Variants in STON1 observed in about 807,000 individuals in gnomAD.
STON1 encodes stonin 1.
A neutral mutation model predicts 60.9 loss-of-function variants in STON1; 79 were observed. The observed-to-expected ratio is 1.30, with a 90% CI of 1.08 to 1.56. STON1 has a LOEUF of 1.56. STON1 is among the 40% of genes most tolerant of loss of function. The pLI, the probability that STON1 is intolerant of heterozygous loss-of-function variation, is 0.00. For synonymous variants in STON1, 363 were observed against 306.9 expected (o/e 1.18, Z -1.91); for missense variants, 1,166 against 858.9 (o/e 1.36, Z -4.47).
intron 1 of STON1, among the ~76,000 whole-genome samples, chr2:48,566,760 T>C (rs866205759): frequency 5.9e-5 from 9 of 152,244 alleles, no homozygotes; most frequent in Middle Eastern, 3.2e-3. Context: ...TCTTCAGGCA[T>C]TGATTGAAAC....
chr2:48,566,269 A>G (rs1467644884), intron 1 of STON1, among the ~76,000 whole-genome samples: 2 of 152,094 alleles, frequency 1.3e-5, no homozygotes, highest in East Asian at 3.9e-4. Context: ...TCCACCTCCC[A>G]GGTTCAAGTG....
chr2:48,568,431 A>G (rs770896602), intron 1 of STON1, among the ~76,000 whole-genome samples: 1 of 152,154 alleles, frequency 6.6e-6, no homozygotes, highest in Non-Finnish European at 1.5e-5. Flanking sequence ...TGAGTGGTTT[A>G]TGAAGAAAAG....
chr2:48,593,315 C>A (rs1480332174), intron 3 of STON1, among the ~76,000 whole-genome samples: 3 of 151,482 alleles, frequency 2.0e-5, no homozygotes, highest in Non-Finnish European at 2.9e-5. Context: ...TGGGGTTTCA[C>A]CATGTTGGCC....
intron 1 of STON1, among the ~76,000 whole-genome samples, chr2:48,553,350 CCTTCCCTTCCCTTCT>C (rs972676522): frequency 1.3e-5 from 2 of 151,472 alleles, no homozygotes; most frequent in Non-Finnish European, 1.5e-5. Context: ...CTCTGTAGAC[CCTTCCCTTCCCTTCT>C]CTTCCCTTCC....
intron 1 of STON1, among the ~76,000 whole-genome samples, chr2:48,533,217 A>C (rs2103726113): frequency 6.6e-6 from 1 of 152,194 alleles, no homozygotes; most frequent in African/African-American, 2.4e-5. Context: ...CCCCGTCTCT[A>C]CTAAAAACAC....
intron 1 of STON1, among the ~76,000 whole-genome samples, chr2:48,537,861 A>G (rs1002919246): frequency 2.0e-5 from 3 of 151,736 alleles, no homozygotes; most frequent in Non-Finnish European, 2.9e-5. Flanking sequence ...AAAAAAAAAA[A>G]AGAAAAAAAA....
intron 1 of STON1, among the ~76,000 whole-genome samples, chr2:48,555,315 G>T (rs1328214766): frequency 5.8e-5 from 2 of 34,702 alleles, no homozygotes; most frequent in African/African-American, 1.0e-4. Flanking sequence ...GGCCGGGCGG[G>T]GGGGGCTGAC....
chr2:48,544,734 CAG>C (rs143899453), intron 1 of STON1, among the ~76,000 whole-genome samples: 10,779 of 152,100 alleles, frequency 0.071, 541 homozygotes, highest in Non-Finnish European at 0.11. Flanking sequence ...TTCGTAGAAA[CAG>C]GGGTTTCACC....
rs1674874739 is a variant in STON1, at chr2:48,598,298, C to T, written c.*2996C>T. 1.3e-5 allele frequency: 2 copies of T among 152,438 alleles called. No homozygotes were observed. The highest frequency in any genetic ancestry group is 1.3e-4 in the Admixed American group (2 of 15,266). The allele number at this position is 152,438 out of a possible 1,614,324, so 9.4% of individuals were successfully genotyped here. A position where few individuals can be genotyped will look rare whatever the true frequency, so the allele number is the denominator to read the frequency against. On this transcript the variant is annotated 3_prime_UTR_variant, in exon 4 of 4. Transcript: ENST00000404752. ...ATTAGACAGTTCTAGGATGTTAGTT[C>T]CCTTCATTCCAGAGCTATGCTTGTG...
intron 1 of STON1, among the ~76,000 whole-genome samples, chr2:48,565,929 A>C (rs534996501): frequency 3.3e-5 from 5 of 152,318 alleles, no homozygotes; most frequent in African/African-American, 9.6e-5. Context: ...CATGATAATA[A>C]GGATAAAATT....
intron 1 of STON1, among the ~76,000 whole-genome samples, chr2:48,570,434 TGA>T (rs1355923737): frequency 6.6e-6 from 1 of 152,240 alleles, no homozygotes; most frequent in Admixed American, 6.5e-5. Context: ...GTGTTTTGTG[TGA>T]ACCCTCCTAT....
chr2:48,569,291 C>G (rs935816016), intron 1 of STON1, among the ~76,000 whole-genome samples: 6 of 152,140 alleles, frequency 3.9e-5, no homozygotes, highest in Non-Finnish European at 8.8e-5. Context: ...ACCCTAAAAT[C>G]CAGTGATTCT....
At chr2:48,538,020 C>A (rs1010466817) in intron 1 of STON1, among the ~76,000 whole-genome samples, 2 of 151,320 alleles carry the variant, frequency 1.3e-5, no homozygotes, top group Non-Finnish European at 2.9e-5. Flanking sequence ...GTGGCATGAT[C>A]TTGGCTCACT....
intron 1 of STON1, among the ~76,000 whole-genome samples, chr2:48,556,976 A>AC (rs1367099511): frequency 2.2e-4 from 9 of 40,518 alleles, no homozygotes; most frequent in Non-Finnish European, 3.4e-4. Flanking sequence ...CGGGGGGCTG[A>AC]CCCCCCCACC....
rs570269352 is a variant in STON1 at position 48,581,853 on chromosome 2, A to G, written c.1220A>G (p.Lys407Arg). ...LMKLPAVSKP[K>R]KNYEEQEISL... is the part of the protein sequence containing the mutation. Reference sequence around the variant, plus strand: ...AAGTTGCCAGCTGTTTCAAAACCAAAAAAGAACTACGAGGAGCAAGAAATT... The same window carrying G: ...AAGTTGCCAGCTGTTTCAAAACCAAGAAAGAACTACGAGGAGCAAGAAATT... The change falls in exon 2 of 4, where the codon AAA (lysine) becomes AGA (arginine). Residue 407 changes from lysine (K) to arginine (R), a missense_variant. Physicochemically the swap from Lys to Arg is conservative, Grantham distance 26. Transcript: ENST00000404752. 1.9e-6 allele frequency: 3 copies of G among 1,614,208 alleles called. No individual in the cohort carries two copies. The highest frequency in any genetic ancestry group is 2.2e-5 in the South Asian group (2 of 91,074).
chr2:48,565,038 G>GCTT (rs1672877049), intron 1 of STON1, among the ~76,000 whole-genome samples: 17 of 128,178 alleles, frequency 1.3e-4, no homozygotes, highest in African/African-American at 4.6e-4. Context: ...TGGCCCTCCG[G>GCTT]CTTCTTCTTT....
At chr2:48,586,322 G>A (rs983769774) in intron 2 of STON1, among the ~76,000 whole-genome samples, 1 of 152,150 alleles carries the variant, frequency 6.6e-6, no homozygotes, top group Non-Finnish European at 1.5e-5. Context: ...TAGGTTCTGT[G>A]CTGAGTGTTT....
At chr2:48,574,305 G>A (rs898661718) in intron 1 of STON1, among the ~76,000 whole-genome samples, 1 of 151,904 alleles carries the variant, frequency 6.6e-6, no homozygotes, top group Non-Finnish European at 1.5e-5. Context: ...GAACCCTGGA[G>A]GCAAAGGTTG....
chr2:48,584,889 T>G (rs1355256885), intron 2 of STON1, among the ~76,000 whole-genome samples: 2 of 152,150 alleles, frequency 1.3e-5, no homozygotes, highest in Non-Finnish European at 2.9e-5. Context: ...TGTTGACTGA[T>G]GAGAGCTTGA....
Sources: allele counts gnomAD v4.1 joint callset (sites outside exome capture counted in the v4.1 genomes callset), GRCh38; gene constraint gnomAD v4.1.1; transcripts MANE v1.5; gene names NCBI Gene and HGNC (gene_info 2026-07-23, HGNC 2026-07-21).